LEF1: variants seen among roughly 807,000 people sequenced by gnomAD.
LEF1 encodes lymphoid enhancer binding factor 1.
LEF1 carries 14 observed loss-of-function variants against 51.2 expected under a neutral mutation model. The ratio of observed to expected loss-of-function variants is 0.27; its 90% CI spans 0.18 to 0.43. The LOEUF (loss-of-function observed/expected upper bound fraction) is 0.43, where lower values mean the gene tolerates loss of function less well. Among genes scored for constraint, LEF1 ranks in the 20% least tolerant of loss-of-function variants. LEF1 has a pLI of 1.00. For synonymous variants in LEF1, 185 were observed against 183.2 expected (o/e 1.01, Z -0.08); for missense variants, 386 against 512.0 (o/e 0.75, Z 2.37).
In LEF1 at chr4:108,134,403, G is replaced by A. The variant is rs183658671; in HGVS notation, c.414+29165C>T. On this transcript the variant is annotated intron_variant, in intron 3 of 11. Coordinates refer to ENST00000265165, the MANE Select transcript of LEF1 (RefSeq NM_016269.5). Reference sequence around the variant, plus strand: ...CAAATTAACCTAGTGTAATCAAAGAGGGCTAGAATAGGGCTCTACTGCTCA... The same window carrying A: ...CAAATTAACCTAGTGTAATCAAAGAAGGCTAGAATAGGGCTCTACTGCTCA... 5.9e-5 allele frequency among the ~76,000 whole-genome samples: 9 copies of A among 152,272 alleles called. No individual in the cohort carries two copies. In the East Asian group the frequency reaches 1.5e-3, roughly 26 times the overall value.
chr4:108,146,263 G>A (rs1743995136), intron 3 of LEF1, among the ~76,000 whole-genome samples: 1 of 152,214 alleles, frequency 6.6e-6, no homozygotes, highest in African/African-American at 2.4e-5. Context: ...AAGGAATTCA[G>A]GATTCTATGA....
At chr4:108,057,039 G>A (rs879899022) in intron 11 of LEF1, among the ~76,000 whole-genome samples, 3 of 151,942 alleles carry the variant, frequency 2.0e-5, no homozygotes, top group African/African-American at 4.8e-5. Context: ...GCTGCCGTGC[G>A]ACACTTGGTT....
In LEF1 at chr4:108,073,642, C is replaced by G. The variant is rs75445274; in HGVS notation, c.1009-2872G>C. On this transcript the variant is annotated intron_variant, in intron 8 of 11. Coordinates refer to ENST00000265165, the MANE Select transcript of LEF1 (RefSeq NM_016269.5). ...ACCTGGAATCATAAATACAAATTAACTCCCAAAATAGGTATCAAGTTTGGG... is the reference window on the plus strand; with the variant it reads ...ACCTGGAATCATAAATACAAATTAAGTCCCAAAATAGGTATCAAGTTTGGG... Among the ~76,000 whole-genome samples the G allele has an allele frequency of 3.0e-3, 460 of 152,228 alleles. 4 individuals are homozygous for G. Among genetic ancestry groups the G allele is most frequent in the African/African-American group, 0.01 (432 of 41,520 alleles).
Position 108,064,655 on chromosome 4 carries a change from TCA to T in LEF1, c.1117-273_1117-272del, listed in dbSNP as rs59828005. Among the ~76,000 whole-genome samples, 784 of 127,894 alleles carry T rather than the reference TCA, an allele frequency of 6.1e-3. 8 individuals carry two copies. The highest frequency in any genetic ancestry group is 0.019 in the African/African-American group (709 of 37,566). 83.9% of individuals were successfully genotyped at this position (127,894 alleles called of 152,430 possible). A position where few individuals can be genotyped will look rare whatever the true frequency, so the allele number is the denominator to read the frequency against. On this transcript the variant is annotated intron_variant, in intron 9 of 11. Transcript: ENST00000265165. ...CTTTGTCTCTCTCTCTCTCTCTCACTCACACACACACACACACACACACACAC... is the reference window on the plus strand; with the variant it reads ...CTTTGTCTCTCTCTCTCTCTCTCACTCACACACACACACACACACACACAC...
intron 3 of LEF1, among the ~76,000 whole-genome samples, chr4:108,130,018 G>A (rs376693433): frequency 1.3e-5 from 2 of 152,096 alleles, no homozygotes; most frequent in East Asian, 3.9e-4. Flanking sequence ...GACAACCAAG[G>A]TATTCAATAG....
At chr4:108,100,863 T>C (rs1377482626) in intron 3 of LEF1, among the ~76,000 whole-genome samples, 2 of 152,202 alleles carry the variant, frequency 1.3e-5, no homozygotes, top group Admixed American at 6.5e-5. Flanking sequence ...AAAACTCTTA[T>C]TTATTTCTTT....
intron 3 of LEF1, among the ~76,000 whole-genome samples, chr4:108,102,069 A>G (rs1314067265): frequency 2.0e-5 from 3 of 152,020 alleles, no homozygotes; most frequent in African/African-American, 7.3e-5. Flanking sequence ...GTCTCAAAAA[A>G]AAAAAAAAAA....
At chr4:108,120,262 C>T (rs1742094000) in intron 3 of LEF1, among the ~76,000 whole-genome samples, 1 of 152,090 alleles carries the variant, frequency 6.6e-6, no homozygotes. Context: ...AACTCCTGGA[C>T]TCAAGCAGTC....
chr4:108,120,310 C>T (rs1742097048), intron 3 of LEF1, among the ~76,000 whole-genome samples: 1 of 152,160 alleles, frequency 6.6e-6, no homozygotes, highest in South Asian at 2.1e-4. Context: ...GGATTATGTG[C>T]ATGAGCTACT....
chr4:108,164,339 C>T (rs1404741803), intron 2 of LEF1, among the ~76,000 whole-genome samples: 1 of 152,070 alleles, frequency 6.6e-6, no homozygotes, highest in Non-Finnish European at 1.5e-5. Context: ...TATCTTGTAG[C>T]TGAGGAAGAA....
intron 4 of LEF1, among the ~76,000 whole-genome samples, chr4:108,087,957 T>C (rs1175041371): frequency 6.6e-6 from 1 of 152,166 alleles, no homozygotes; most frequent in African/African-American, 2.4e-5. Context: ...TGGAGGCTCT[T>C]GATTAAAGGA....
At position 108,163,447 on chromosome 4, in the gene LEF1, G is replaced by A. The variant is rs1335083963; in HGVS notation, c.414+121C>T. 3.8e-6 allele frequency: 4 copies of A among 1,046,292 alleles called. No individual in the cohort carries two copies. In the African/African-American group the frequency reaches 6.4e-5, roughly 17 times the overall value. The allele number at this position is 1,046,292 out of a possible 1,614,324, so 64.8% of individuals were successfully genotyped here. On this transcript the variant is annotated intron_variant, in intron 3 of 11. Coordinates refer to ENST00000265165, the MANE Select transcript of LEF1 (RefSeq NM_016269.5). ...CATTCCTCATAACAGCTCTTATTTA[G>A]CAACGACTAGTTATATATAATGAAA...
At chr4:108,091,235 C>T (rs578245427) in intron 3 of LEF1, among the ~76,000 whole-genome samples, 17 of 151,988 alleles carry the variant, frequency 1.1e-4, no homozygotes, top group African/African-American at 4.1e-4. Flanking sequence ...TAAAGAGGGC[C>T]CCCAAAACAC....
intron 3 of LEF1, among the ~76,000 whole-genome samples, chr4:108,151,810 C>T (rs1016488198): frequency 1.3e-5 from 2 of 152,182 alleles, no homozygotes; most frequent in African/African-American, 2.4e-5. Context: ...TCCATTTTGG[C>T]TTTGCGATTC....
intron 3 of LEF1, among the ~76,000 whole-genome samples, chr4:108,111,417 C>G (rs763376982): frequency 3.3e-5 from 5 of 152,192 alleles, no homozygotes; most frequent in Non-Finnish European, 7.3e-5. Flanking sequence ...TTCCAGCAAC[C>G]AGGCCATCTT....
intron 3 of LEF1, among the ~76,000 whole-genome samples, chr4:108,106,461 G>A (rs927222381): frequency 1.3e-5 from 2 of 152,242 alleles, no homozygotes; most frequent in East Asian, 3.9e-4. Context: ...CTGCCTTTAC[G>A]GACTAGGATG....
chr4:108,132,685 T>TTTTA (rs1383252390), intron 3 of LEF1, among the ~76,000 whole-genome samples: 2 of 139,506 alleles, frequency 1.4e-5, no homozygotes, highest in Non-Finnish European at 1.5e-5. Context: ...TTTTTTTTTT[T>TTTTA]GAGGCAGGGT....
intron 3 of LEF1, among the ~76,000 whole-genome samples, chr4:108,131,834 G>A (rs994355666): frequency 3.3e-5 from 5 of 152,106 alleles, no homozygotes; most frequent in African/African-American, 7.2e-5. Flanking sequence ...ACTAAGGTGC[G>A]TTGTATAGGG....
intron 7 of LEF1, chr4:108,078,593 TCTAC>T: frequency 1.7e-6 from 1 of 596,174 alleles, no homozygotes; most frequent in Non-Finnish European, 3.0e-6. Flanking sequence ...GGGCTTCCTA[TCTAC>T]TCAGTGACTG....
Sources: gnomAD v4.1 joint callset for allele counts (sites outside exome capture counted in the v4.1 genomes callset) on GRCh38, gnomAD v4.1.1 for gene constraint, MANE v1.5 for transcripts, NCBI Gene and HGNC (gene_info 2026-07-23, HGNC 2026-07-21) for gene names.